The following TUSC3 variants were observed in gnomAD, a reference collection of about 807,000 sequenced individuals.
TUSC3 encodes the protein dolichyl-diphosphooligosaccharide--protein glycosyltransferase subunit TUSC3.
A neutral mutation model predicts 44.8 loss-of-function variants in TUSC3; 45 were observed. That is an observed-to-expected ratio of 1.00 (90% CI 0.79 to 1.29). The LOEUF (loss-of-function observed/expected upper bound fraction) is 1.29, where lower values mean the gene tolerates loss of function less well. Among genes scored for constraint, TUSC3 ranks in the 50% most tolerant of loss-of-function variants. The pLI, the probability that TUSC3 is intolerant of heterozygous loss-of-function variation, is 0.00. For missense variants in TUSC3, 519 were observed against 437.9 expected (o/e 1.19, Z -1.65); for synonymous variants, 212 against 152.9 (o/e 1.39, Z -2.85).
At chr8:15,505,125 T>C (rs1801035653) in intron 2 of TUSC3, among the ~76,000 whole-genome samples, 1 of 152,174 alleles carries the variant, frequency 6.6e-6, no homozygotes, top group South Asian at 2.1e-4. Flanking sequence ...ATCCGCCACT[T>C]GGAATAAATC....
the TUSC3 span, among the ~76,000 whole-genome samples, chr8:15,828,352 C>T: frequency 1.3e-5 from 2 of 152,142 alleles, no homozygotes; most frequent in Admixed American, 1.3e-4. Context: ...AGTTTTATAT[C>T]AACATCTGTA....
At chr8:15,794,663 G>A in the TUSC3 span, among the ~76,000 whole-genome samples, 8 of 152,078 alleles carry the variant, frequency 5.3e-5, no homozygotes, top group Non-Finnish European at 1.5e-5. Flanking sequence ...AACACAAAGA[G>A]GGCCCAATGA....
chr8:15,484,188 T>A (rs2129124972), intron 2 of TUSC3, among the ~76,000 whole-genome samples: 1 of 152,342 alleles, frequency 6.6e-6, no homozygotes, highest in African/African-American at 2.4e-5. Context: ...GTGAGATTTT[T>A]AATATTTACA....
chr8:15,645,881 G>A (rs919986089), intron 2 of TUSC3, among the ~76,000 whole-genome samples: 1 of 152,028 alleles, frequency 6.6e-6, no homozygotes, highest in Admixed American at 6.5e-5. Flanking sequence ...ACATAAATCT[G>A]ACTAAATGAG....
At chr8:15,548,624 T>G (rs1188402430) in intron 1 of TUSC3, among the ~76,000 whole-genome samples, 1 of 151,858 alleles carries the variant, frequency 6.6e-6, no homozygotes, top group African/African-American at 2.4e-5. Flanking sequence ...CTCTCTCAAC[T>G]CCTTGCTTTG....
chr8:15,515,843 G>A (rs1316318368), intron 2 of TUSC3, among the ~76,000 whole-genome samples: 1 of 151,290 alleles, frequency 6.6e-6, no homozygotes, highest in East Asian at 1.9e-4. Context: ...ATTTTTTTTT[G>A]TATTTTTAGT....
chr8:15,771,191 G>GA (rs1206517759), downstream of TUSC3, among the ~76,000 whole-genome samples: 23 of 152,158 alleles, frequency 1.5e-4, no homozygotes, highest in South Asian at 4.2e-4. Flanking sequence ...TACCTTCCCA[G>GA]AAAAAAGAGT....
At chr8:15,599,861 G>T (rs534520609) in intron 1 of TUSC3, among the ~76,000 whole-genome samples, 102 of 151,606 alleles carry the variant, frequency 6.7e-4, no homozygotes, top group Non-Finnish European at 1.2e-3. Flanking sequence ...TATCCTCCAA[G>T]TCTGTTCTCC....
At chr8:15,649,210 G>A (rs1806773359) in intron 2 of TUSC3, among the ~76,000 whole-genome samples, 1 of 151,830 alleles carries the variant, frequency 6.6e-6, no homozygotes, top group African/African-American at 2.4e-5. Context: ...TCAAATACAT[G>A]TTTTTTTTCG....
chr8:15,513,041 A>T (rs578155093), intron 2 of TUSC3, among the ~76,000 whole-genome samples: 60 of 149,706 alleles, frequency 4.0e-4, no homozygotes, highest in Admixed American at 3.9e-3. Flanking sequence ...TTAACCCCAT[A>T]TATTCAAGAA....
chr8:15,786,941 CAAAAAAA>C, the TUSC3 span, among the ~76,000 whole-genome samples: 1 of 63,376 alleles, frequency 1.6e-5, no homozygotes, highest in Non-Finnish European at 2.8e-5. Flanking sequence ...GAGACTCCAT[CAAAAAAA>C]AAAAAAAAAA....
At chr8:15,552,212 A>T (rs1563285628) in intron 1 of TUSC3, among the ~76,000 whole-genome samples, 1 of 151,882 alleles carries the variant, frequency 6.6e-6, no homozygotes, top group Non-Finnish European at 1.5e-5. Context: ...GAGTATCATC[A>T]TCCTAAAATA....
intron 9 of TUSC3, among the ~76,000 whole-genome samples, chr8:15,750,200 C>G (rs1017639245): frequency 2.0e-5 from 3 of 151,778 alleles, no homozygotes; most frequent in African/African-American, 7.3e-5. Context: ...AGGATGGTCT[C>G]GATCTCCTGA....
intron 2 of TUSC3, among the ~76,000 whole-genome samples, chr8:15,638,433 A>G (rs1162131671): frequency 1.3e-5 from 2 of 151,290 alleles, no homozygotes; most frequent in African/African-American, 2.4e-5. Flanking sequence ...TGTCGCGTAT[A>G]GTTTTAATCT....
chr8:15,726,949 C>G (rs886578488), intron 6 of TUSC3, among the ~76,000 whole-genome samples: 13 of 152,120 alleles, frequency 8.5e-5, no homozygotes, highest in Non-Finnish European at 1.5e-4. Context: ...TTTTTCTTGA[C>G]TATTCACCTG....
At position 15,605,421 on chromosome 8, in the gene TUSC3, T is replaced by C. The variant is rs1804478240; in HGVS notation, c.139-17659T>C. Among the ~76,000 whole-genome samples the C allele has an allele frequency of 2.6e-5, 4 of 151,958 alleles. No individual in the cohort carries two copies. The South Asian group carries it at 8.3e-4, about 31-fold the overall frequency. On this transcript the variant is annotated intron_variant, in intron 1 of 10. Transcript: ENST00000503731. ...CATAAAGTAAAAATAAACATAACCA[T>C]TTATCTTCTCCTGTAGAAGGAAGCC...
intron 3 of TUSC3, among the ~76,000 whole-genome samples, chr8:15,653,196 GACT>G (rs1168750696): frequency 6.6e-6 from 1 of 152,172 alleles, no homozygotes; most frequent in African/African-American, 2.4e-5. Context: ...TGTGGGTGGG[GACT>G]ACAGCAGATT....
intron 2 of TUSC3, among the ~76,000 whole-genome samples, chr8:15,525,429 G>C (rs749858122): frequency 2.0e-5 from 3 of 152,126 alleles, no homozygotes; most frequent in Admixed American, 6.5e-5. Context: ...AAATAAAAAT[G>C]TTACTTATGT....
intron 10 of TUSC3, among the ~76,000 whole-genome samples, chr8:15,763,998 C>G (rs1408280761): frequency 6.6e-6 from 1 of 152,050 alleles, no homozygotes; most frequent in Non-Finnish European, 1.5e-5. Flanking sequence ...TTCTCTCACC[C>G]TGACCCTGTT....
Sources: allele counts gnomAD v4.1 joint callset (sites outside exome capture counted in the v4.1 genomes callset), GRCh38; gene constraint gnomAD v4.1.1; transcripts MANE v1.5; gene names NCBI Gene and HGNC (gene_info 2026-07-23, HGNC 2026-07-21).